The following ANKRD26 variants were observed in gnomAD, a reference collection of about 807,000 sequenced individuals.
The protein encoded by ANKRD26 is ankyrin repeat domain 26.
Under a neutral mutation model 208.7 loss-of-function variants are expected in ANKRD26, and 141 were observed. That is an observed-to-expected ratio of 0.68 (90% CI 0.59 to 0.78). ANKRD26 has a LOEUF of 0.78. ANKRD26 is among the 30% of genes least tolerant of loss of function. ANKRD26 has a pLI of 0.00. For missense variants in ANKRD26, 1,889 were observed against 1,938.7 expected (o/e 0.97, Z 0.48); for synonymous variants, 636 against 660.4 (o/e 0.96, Z 0.57).
At chr10:27,063,910 A>T in intron 12 of ANKRD26, 78 bp downstream of exon 12, 1 of 1,177,288 alleles carries the variant, frequency 8.5e-7, no homozygotes, top group Non-Finnish European at 1.2e-6. Context: ...TTCTTCGGCT[A>T]TTAGAATATA....
chr10:26,986,348 C>T (rs1426487007), intron 3 of ANKRD26, among the ~76,000 whole-genome samples: 1 of 152,120 alleles, frequency 6.6e-6, no homozygotes, highest in Non-Finnish European at 1.5e-5. Context: ...CTAGGCAATA[C>T]CATTCAGGAC....
intron 1 of ANKRD26, among the ~76,000 whole-genome samples, chr10:27,097,319 C>CAA (rs11347521): frequency 7.3e-4 from 103 of 141,918 alleles, no homozygotes; most frequent in African/African-American, 2.5e-3. Flanking sequence ...ACTAGAAATA[C>CAA]AAAAAAAAAA....
chr10:27,097,451 G>A (rs946745867), intron 1 of ANKRD26, among the ~76,000 whole-genome samples: 2 of 152,056 alleles, frequency 1.3e-5, no homozygotes, highest in African/African-American at 2.4e-5. Context: ...AACAGAGGGA[G>A]ACTCTGTCTA....
chr10:27,066,313 T>A (rs1194980577), intron 11 of ANKRD26, 174 bp downstream of exon 11: 4 of 468,698 alleles, frequency 8.5e-6, no homozygotes, highest in Non-Finnish European at 1.1e-5. Context: ...AATTATACTA[T>A]GCAGCAGTAA....
In ANKRD26 at chr10:27,015,256, GCTT is replaced by G. The variant is rs542555147; in HGVS notation, c.4507-548_4507-546del. Among the ~76,000 whole-genome samples, 552 of 152,296 alleles carry G rather than the reference GCTT, an allele frequency of 3.6e-3. 2 individuals are homozygous for G. The highest frequency in any genetic ancestry group is 0.014 in the Middle Eastern group (4 of 294). ...TGTATGTAAGATACAGGAACTTAGA[GCTT>G]CTTAGGGATAAATGCTGTGCGCATC... is the stretch of plus-strand genomic sequence containing the variant. On this transcript the variant is annotated intron_variant, in intron 30 of 33. Coordinates refer to ENST00000376087, the MANE Select transcript of ANKRD26 (RefSeq NM_014915.3).
chr10:27,061,807 C>G, intron 12 of ANKRD26: 1 of 407,780 alleles, frequency 2.5e-6, no homozygotes, highest in Non-Finnish European at 3.3e-6. Flanking sequence ...TCCAGCAACC[C>G]ACCCACCTTG....
chr10:27,086,534 C>G lies in ANKRD26; in HGVS notation c.709+5G>C, dbSNP rs1380097674. On this transcript the variant is annotated splice_donor_5th_base_variant and intron_variant, in intron 5 of 33. Coordinates refer to ENST00000376087, the MANE Select transcript of ANKRD26 (RefSeq NM_014915.3). ...CCAAGAGAAATTCACTATTGGAAGT[C>G]TTACCTGAATTACTATTTTGAGAAG... 1.2e-6 allele frequency: 2 copies of G among 1,605,310 alleles called. No individual in the cohort carries two copies. Among genetic ancestry groups the G allele is most frequent in the Non-Finnish European group, 1.7e-6 (2 of 1,174,964 alleles).
chr10:27,033,332 T>C lies in ANKRD26; in HGVS notation c.3700A>G (p.Lys1234Glu), dbSNP rs763167140. The C allele has an allele frequency of 1.2e-6, 2 of 1,612,058 alleles. No homozygotes were observed. The highest frequency in any genetic ancestry group is 2.2e-5 in the South Asian group (2 of 90,878). ...AGTGAAGCCTCTGACATAGATTGTT[T>C]TTTTAGGGTATCAGCTAGTTCTTGT... ...LQQELADTLKKQSMSEASLEV... is the reference protein window; with the variant it reads ...LQQELADTLKEQSMSEASLEV... Residue 1234 changes from lysine (K) to glutamate (E), a missense_variant, in exon 25 of 34, where the codon AAA becomes GAA. Transcript: ENST00000376087.
At chr10:27,000,915 G>A (rs2052708458), downstream of ANKRD26, among the ~76,000 whole-genome samples, 1 of 152,234 alleles carries the variant, frequency 6.6e-6, no homozygotes, top group Non-Finnish European at 1.5e-5. Flanking sequence ...GGCTGAGGCA[G>A]GAGGATGGCG....
At chr10:27,085,249 C>T (rs558967104) in intron 5 of ANKRD26, among the ~76,000 whole-genome samples, 11 of 151,938 alleles carry the variant, frequency 7.2e-5, no homozygotes, top group East Asian at 1.9e-4. Flanking sequence ...TACAGGTGTG[C>T]GCCACCACGC....
chr10:27,000,262 T>C (rs527367364), downstream of ANKRD26, among the ~76,000 whole-genome samples: 233 of 152,302 alleles, frequency 1.5e-3, no homozygotes, highest in Non-Finnish European at 2.2e-3. Context: ...TGGCCTATTA[T>C]GCAGCAATAG....
chr10:27,031,960 C>T (rs2053876796), intron 25 of ANKRD26, among the ~76,000 whole-genome samples: 1 of 152,154 alleles, frequency 6.6e-6, no homozygotes, highest in Non-Finnish European at 1.5e-5. Flanking sequence ...TCAACACAGA[C>T]TCTGTATCCA....
downstream of ANKRD26, among the ~76,000 whole-genome samples, chr10:27,000,636 A>G (rs2052700765): frequency 6.6e-6 from 1 of 152,256 alleles, no homozygotes; most frequent in South Asian, 2.1e-4. Context: ...GGAAGGTAAC[A>G]TAATAGAATC....
intron 27 of ANKRD26, among the ~76,000 whole-genome samples, chr10:27,024,868 C>G (rs532009028): frequency 2.6e-4 from 39 of 152,222 alleles, no homozygotes; most frequent in African/African-American, 8.4e-4. Context: ...TGAAGTTGCT[C>G]TAGAAACACT....
intron 29 of ANKRD26, among the ~76,000 whole-genome samples, chr10:27,021,140 T>C (rs1194381834): frequency 6.6e-6 from 1 of 151,754 alleles, no homozygotes; most frequent in Non-Finnish European, 1.5e-5. Flanking sequence ...TCAGCGTCTG[T>C]TGTTTTCACC....
At chr10:27,093,250 T>C in intron 3 of ANKRD26, 99 bp downstream of exon 3, 2 of 1,096,428 alleles carry the variant, frequency 1.8e-6, no homozygotes, top group Non-Finnish European at 2.7e-6. Flanking sequence ...AGTCAGGGAA[T>C]GCTTGCGCTT....
the ANKRD26 span, among the ~76,000 whole-genome samples, chr10:26,960,679 G>C: frequency 6.6e-6 from 1 of 152,192 alleles, no homozygotes; most frequent in African/African-American, 2.4e-5. Flanking sequence ...TTTTAAAGGA[G>C]AGAACTGTTT....
intron 15 of ANKRD26, among the ~76,000 whole-genome samples, chr10:27,057,472 A>G (rs1380483768): frequency 6.6e-6 from 1 of 152,218 alleles, no homozygotes; most frequent in Non-Finnish European, 1.5e-5. Context: ...AGGTTTAAAT[A>G]TGGATGACAG....
chr10:27,069,569 C>T (rs2055403470), intron 9 of ANKRD26, among the ~76,000 whole-genome samples: 1 of 152,050 alleles, frequency 6.6e-6, no homozygotes, highest in African/African-American at 2.4e-5. Flanking sequence ...TTCGCCTTCC[C>T]AAGTGCTGGA....
Sources: gnomAD v4.1 joint callset for allele counts (sites outside exome capture counted in the v4.1 genomes callset) on GRCh38, gnomAD v4.1.1 for gene constraint, MANE v1.5 for transcripts, NCBI Gene and HGNC (gene_info 2026-07-23, HGNC 2026-07-21) for gene names.